PCM1: variants seen among roughly 807,000 people sequenced by gnomAD.
PCM1 encodes pericentriolar material 1 protein.
A neutral mutation model predicts 241.9 loss-of-function variants in PCM1; 157 were observed. The observed-to-expected ratio is 0.65, with a 90% confidence interval of 0.57 to 0.74. The LOEUF is 0.74. PCM1 is among the 30% of genes least tolerant of loss of function. The pLI, the probability that PCM1 is intolerant of heterozygous loss-of-function variation, is 0.00. For missense variants in PCM1, 3,478 were observed against 2,360.1 expected, an observed-to-expected ratio of 1.47 and a Z score of -9.81; for synonymous variants, 1,085 against 784.9, an observed-to-expected ratio of 1.38 and a Z score of -6.39.
intron 4 of PCM1, 37 bp downstream of exon 4, chr8:17,937,416 TGA>T: frequency 4.8e-6 from 7 of 1,462,414 alleles, no homozygotes; most frequent in Non-Finnish European, 6.5e-6. Flanking sequence ...GCTATTACTG[TGA>T]GAAATACTTG....
rs773935851 is a variant in PCM1 at position 17,985,550 on chromosome 8, T to G, written c.4212T>G (p.Ile1404Met). The G allele has an allele frequency of 1.2e-6, 2 of 1,602,510 alleles. No homozygotes were observed. The highest frequency in any genetic ancestry group is 1.3e-5 in the African/African-American group (1 of 74,812). The change falls in exon 25 of 39, where the codon ATT becomes ATG. Residue 1404 changes from isoleucine (I) to methionine (M), a missense_variant. By Grantham distance (10) the Ile-to-Met change is conservative (BLOSUM62 1). Transcript: ENST00000325083. ...SQNESRPHFL[I>M]ELFHELQLLN... ...ATGAATCTCGTCCACATTTTCTTAT[T>G]GAACTCTTCCATGAGCTGCAGCTAC...
intron 7 of PCM1, among the ~76,000 whole-genome samples, chr8:17,949,455 C>A (rs1237145580): frequency 2.0e-5 from 3 of 151,270 alleles, no homozygotes; most frequent in Admixed American, 6.6e-5. Context: ...TAGTGTTTTC[C>A]TTTAAAACAG....
At chr8:17,965,041 T>A (rs1330550313) in intron 18 of PCM1, among the ~76,000 whole-genome samples, 1 of 152,130 alleles carries the variant, frequency 6.6e-6, no homozygotes, top group East Asian at 1.9e-4. Flanking sequence ...GTTCTTACAA[T>A]CCCCTTCAGG....
chr8:18,017,006 G>C (rs1016086393), intron 36 of PCM1, among the ~76,000 whole-genome samples: 5 of 152,188 alleles, frequency 3.3e-5, no homozygotes, highest in African/African-American at 1.2e-4. Context: ...CCTGATTTCT[G>C]TCAGTTTCTA....
At chr8:17,982,307 CGAA>C (rs1358265671) in intron 24 of PCM1, among the ~76,000 whole-genome samples, 2 of 151,956 alleles carry the variant, frequency 1.3e-5, no homozygotes, top group East Asian at 3.9e-4. Flanking sequence ...CGGTAGAGGT[CGAA>C]GAAGGACACT....
At position 18,014,041 on chromosome 8, in the gene PCM1, G is replaced by C; in HGVS notation, c.5584+5G>C. 6.6e-7 allele frequency: 1 copy of C among 1,511,388 alleles called. No homozygotes were observed. Among genetic ancestry groups the C allele is most frequent in the Non-Finnish European group, 9.0e-7 (1 of 1,106,962 alleles). The allele number at this position is 1,511,388 out of a possible 1,614,324, so 93.6% of individuals were successfully genotyped here. ...AACGAGAAGCCACTAGTAAAAGTAA[G>C]AAATCTAAATAAGTCTTTGATTTTA... On this transcript the variant is annotated splice_donor_5th_base_variant and intron_variant, in intron 35 of 38. Coordinates refer to ENST00000325083, the MANE Select transcript of PCM1 (RefSeq NM_006197.4).
chr8:17,941,484 C>G (rs1015894572), intron 6 of PCM1, among the ~76,000 whole-genome samples: 2 of 150,312 alleles, frequency 1.3e-5, no homozygotes, highest in East Asian at 1.9e-4. Flanking sequence ...ACTTAAAAGA[C>G]TAAATATACT....
At chr8:17,939,227 G>C (rs1460652220) in intron 5 of PCM1, among the ~76,000 whole-genome samples, 1 of 152,150 alleles carries the variant, frequency 6.6e-6, no homozygotes, top group East Asian at 1.9e-4. Flanking sequence ...TTAGTTAAAG[G>C]CTTCTGTTTA....
chr8:17,949,092 AAAT>A (rs1340625300), intron 7 of PCM1, among the ~76,000 whole-genome samples: 1 of 152,188 alleles, frequency 6.6e-6, no homozygotes, highest in East Asian at 1.9e-4. Context: ...TCTTTTTAAA[AAAT>A]ACTATTATGA....
chr8:17,991,117 T>C (rs1166418344), intron 27 of PCM1, among the ~76,000 whole-genome samples: 2 of 152,100 alleles, frequency 1.3e-5, no homozygotes, highest in African/African-American at 4.8e-5. Context: ...GGAAATTTCA[T>C]TGATAGGCCT....
rs188145061 is a variant in PCM1 at position 17,931,921 on chromosome 8, T to G, written c.-22-3668T>G. 4.3e-3 allele frequency among the ~76,000 whole-genome samples: 650 copies of G among 152,230 alleles called. 4 individuals carry two copies. The highest frequency in any genetic ancestry group is 7.4e-3 in the Non-Finnish European group (503 of 67,978). On this transcript the variant is annotated intron_variant, in intron 2 of 38. Coordinates refer to ENST00000325083, the MANE Select transcript of PCM1 (RefSeq NM_006197.4). ...ATTACGTAAACTGTTCCTGAAAATATGAGACAGAAAAAAAGAAGAAAAATC... is the reference window on the plus strand; with the variant it reads ...ATTACGTAAACTGTTCCTGAAAATAGGAGACAGAAAAAAAGAAGAAAAATC...
rs1181543915 is a variant in PCM1 at position 18,011,791 on chromosome 8, C to T, written c.5475C>T (p.Asn1825=). The T allele has an allele frequency of 6.2e-7, 1 of 1,613,478 alleles. No homozygotes were observed. ...ATGTCCAGACTTCCCTCCAGGCTAACACTGAAGCTACTGAAGAAAATGAAC... is the reference window on the plus strand; with the variant it reads ...ATGTCCAGACTTCCCTCCAGGCTAATACTGAAGCTACTGAAGAAAATGAAC... ...PVDVQTSLQA[N]TEATEENEHD... Residue 1825 remains asparagine (N), a synonymous_variant, in exon 34 of 39, where the codon AAC becomes AAT. Transcript: ENST00000325083.
At position 17,939,742 on chromosome 8, in the gene PCM1, A is replaced by G. The variant is rs1288995768; in HGVS notation, c.664A>G (p.Met222Val). 1.3e-6 allele frequency: 2 copies of G among 1,560,150 alleles called. No individual in the cohort carries two copies. Among genetic ancestry groups the G allele is most frequent in the Non-Finnish European group, 8.7e-7 (1 of 1,149,064 alleles). ...IRDYITKASS[M>V]REDLVEKNER... is the part of the protein sequence containing the mutation. ...CGATTATATTACTAAAGCTAGTTCC[A>G]TGCGGGAAGATCTTGTAGAGAAAAA... Residue 222 changes from methionine (M) to valine (V), a missense_variant, in exon 6 of 39, where the codon ATG (methionine) becomes GTG (valine). Met to Val is a conservative substitution (Grantham distance 21, BLOSUM62 1). Transcript: ENST00000325083.
intron 36 of PCM1, among the ~76,000 whole-genome samples, chr8:18,022,289 T>C (rs1026608006): frequency 6.6e-6 from 1 of 152,332 alleles, no homozygotes; most frequent in Admixed American, 6.5e-5. Context: ...TTAAAACTTT[T>C]CTCATTAAGT....
At chr8:18,013,824 C>A in intron 34 of PCM1, 140 bp from the exon 35 acceptor site, 3 of 605,032 alleles carry the variant, frequency 5.0e-6, no homozygotes, top group Non-Finnish European at 8.7e-6. Context: ...AAGCCGCCTC[C>A]TTGAAATAGT....
At chr8:17,925,464 C>T (rs532660601) in intron 2 of PCM1, 1 of 152,106 alleles carries the variant, frequency 6.6e-6, no homozygotes, top group Non-Finnish European at 1.5e-5. Context: ...AATAATTGCT[C>T]TTCAGAAAAA....
In PCM1 at chr8:18,029,531, A is replaced by G. The variant is rs1371013812; in HGVS notation, c.*1869A>G. On this transcript the variant is annotated 3_prime_UTR_variant, in exon 39 of 39. Coordinates refer to ENST00000325083, the MANE Select transcript of PCM1 (RefSeq NM_006197.4). ...ATGCATATTAAAGTGGAAAAATTGT[A>G]TTTATATCTTAGTTATTACCATAGT... 4.7e-6 allele frequency: 1 copy of G among 211,728 alleles called. No homozygotes were observed. The highest frequency in any genetic ancestry group is 9.6e-6 in the Non-Finnish European group (1 of 104,324). 13.1% of individuals were successfully genotyped at this position (211,728 alleles called of 1,614,324 possible).
intron 36 of PCM1, among the ~76,000 whole-genome samples, chr8:18,017,665 C>G (rs1306677494): frequency 2.0e-5 from 3 of 152,232 alleles, no homozygotes; most frequent in Admixed American, 6.5e-5. Flanking sequence ...ACCAGCCTGA[C>G]CAGCATGAAT....
At chr8:18,013,780 AC>A in intron 34 of PCM1, 183 bp from the exon 35 acceptor site, 1 of 536,726 alleles carries the variant, frequency 1.9e-6, no homozygotes, top group Non-Finnish European at 3.3e-6. Context: ...CAACAAGGAA[AC>A]CCTTTAACTT....
Sources: gnomAD v4.1 joint callset for allele counts (sites outside exome capture counted in the v4.1 genomes callset) on GRCh38, gnomAD v4.1.1 for gene constraint, MANE v1.5 for transcripts, NCBI Gene and HGNC (gene_info 2026-07-23, HGNC 2026-07-21) for gene names.